Variants in CEPT1 observed in about 807,000 individuals in gnomAD.
CEPT1 encodes the protein choline/ethanolaminephosphotransferase 1.
Under a neutral mutation model 42.6 loss-of-function variants are expected in CEPT1, and 7 were observed. The ratio of observed to expected loss-of-function variants is 0.16; its 90% CI spans 0.09 to 0.31. CEPT1 has a LOEUF of 0.31. CEPT1 is among the 10% of genes least tolerant of loss of function. The pLI is 1.00. For missense variants in CEPT1, 306 were observed against 502.1 expected, an observed-to-expected ratio of 0.61 and a Z score of 3.73; for synonymous variants, 171 against 171.9, an observed-to-expected ratio of 0.99 and a Z score of 0.04.
intron 2 of CEPT1, among the ~76,000 whole-genome samples, chr1:111,150,832 A>G (rs893480292): frequency 2.6e-5 from 4 of 152,166 alleles, no homozygotes; most frequent in Admixed American, 6.5e-5. Context: ...CTCTTTTTAT[A>G]TGGAGAGCCA....
In CEPT1 at chr1:111,147,863, G is replaced by A. The variant is rs749655031; in HGVS notation, c.149G>A (p.Arg50Gln). 31 of 1,613,940 alleles carry A rather than the reference G, an allele frequency of 1.9e-5. No individual in the cohort carries two copies. In the African/African-American group the frequency reaches 2.1e-4, roughly 11 times the overall value. ...CCATTGTCAAGACACCAACTAAAGC[G>A]GCTAGAAGAACACAGATATCAAAGT... ...TPPLSRHQLK[R>Q]LEEHRYQSAG... The change falls in exon 2 of 9, where the codon CGG (arginine) becomes CAG (glutamine). Residue 50 changes from arginine to glutamine, a missense_variant. Arg to Gln is a conservative substitution (Grantham distance 43). This residue lies in a region of CEPT1 where 253 missense variants were observed against 447.3 expected (regional missense o/e 0.57). Transcript: ENST00000357172.
In CEPT1 at chr1:111,162,689, G is replaced by T. The variant is rs141340382; in HGVS notation, c.629+1393G>T. 4.7e-3 allele frequency among the ~76,000 whole-genome samples: 718 copies of T among 152,336 alleles called. 3 individuals are homozygous for T. The highest frequency in any genetic ancestry group is 7.5e-3 in the Non-Finnish European group (509 of 68,030). ...AGCCAGAAGGATGCATTTCACAAAA[G>T]AACATTGCTAAATCCTGCCAAGACT... On this transcript the variant is annotated intron_variant, in intron 4 of 8. Transcript: ENST00000357172.
intron 4 of CEPT1, among the ~76,000 whole-genome samples, chr1:111,169,357 G>A (rs915651932): frequency 6.6e-6 from 1 of 152,052 alleles, no homozygotes; most frequent in Non-Finnish European, 1.5e-5. Flanking sequence ...ACTTAGCAAA[G>A]GTCTTTTCCA....
chr1:111,157,335 C>T (rs955431559), intron 2 of CEPT1, among the ~76,000 whole-genome samples: 23 of 152,124 alleles, frequency 1.5e-4, no homozygotes, highest in Admixed American at 1.4e-3. Context: ...TCCCCTAAAG[C>T]AGAGGTATTC....
intron 4 of CEPT1, among the ~76,000 whole-genome samples, chr1:111,169,890 GT>G (rs1404798884): frequency 6.6e-6 from 1 of 152,082 alleles, no homozygotes; most frequent in Non-Finnish European, 1.5e-5. Context: ...TCTCTTCAAG[GT>G]TATTTTCTTT....
chr1:111,182,737 C>G, intron 6 of CEPT1, 62 bp from the exon 7 acceptor site: 1 of 1,431,264 alleles, frequency 7.0e-7, no homozygotes, highest in South Asian at 1.4e-5. Context: ...TGTTCTGCAG[C>G]AGATCCATGT....
rs1369792653 is a variant in CEPT1, at chr1:111,182,636, C to T, written c.847-163C>T. Reference sequence around the variant, plus strand: ...TGTGCCTAATGAATTTATGCTGCTACTTTTCATTAGCTCTTCTAGTTTGTG... The same window carrying T: ...TGTGCCTAATGAATTTATGCTGCTATTTTTCATTAGCTCTTCTAGTTTGTG... On this transcript the variant is annotated intron_variant, in intron 6 of 8. Transcript: ENST00000357172. 7 of 647,326 alleles carry T rather than the reference C, an allele frequency of 1.1e-5. No individual in the cohort carries two copies. The African/African-American group carries it at 1.1e-4, about 10-fold the overall frequency. The allele number at this position is 647,326 out of a possible 1,614,324, so 40.1% of individuals were successfully genotyped here. A position where few individuals can be genotyped will look rare whatever the true frequency, so the allele number is the denominator to read the frequency against.
intron 4 of CEPT1, among the ~76,000 whole-genome samples, chr1:111,165,438 T>C (rs1656102043): frequency 6.6e-6 from 1 of 152,190 alleles, no homozygotes; most frequent in African/African-American, 2.4e-5. Flanking sequence ...TTCAATTATT[T>C]TTTCCAAGAC....
chr1:111,152,912 G>C (rs1655360285), intron 2 of CEPT1, among the ~76,000 whole-genome samples: 1 of 152,072 alleles, frequency 6.6e-6, no homozygotes, highest in African/African-American at 2.4e-5. Flanking sequence ...CATATATACA[G>C]TGTATAATGA....
intron 4 of CEPT1, among the ~76,000 whole-genome samples, chr1:111,173,715 T>C (rs575403834): frequency 6.6e-6 from 1 of 152,322 alleles, no homozygotes; most frequent in Admixed American, 6.5e-5. Flanking sequence ...TCTTAGTTTG[T>C]AATGTGTCTT....
At chr1:111,168,163 T>C (rs1656232534) in intron 4 of CEPT1, among the ~76,000 whole-genome samples, 1 of 152,120 alleles carries the variant, frequency 6.6e-6, no homozygotes, top group Non-Finnish European at 1.5e-5. Context: ...CATGAGCCAC[T>C]GCATTCACCC....
chr1:111,156,237 T>G (rs889991489), intron 2 of CEPT1, among the ~76,000 whole-genome samples: 1 of 152,242 alleles, frequency 6.6e-6, no homozygotes, highest in Non-Finnish European at 1.5e-5. Context: ...GATTTCTAGT[T>G]TTGTTCCATT....
intron 2 of CEPT1, among the ~76,000 whole-genome samples, chr1:111,155,058 G>T (rs1286563836): frequency 6.6e-6 from 1 of 152,194 alleles, no homozygotes. Context: ...AGAAGAATTG[G>T]TGTAGTTCTT....
chr1:111,184,408 TAATC>T lies in CEPT1; in HGVS notation c.*102_*105del. On this transcript the variant is annotated 3_prime_UTR_variant, in exon 9 of 9. Transcript: ENST00000357172. ...GGATAAGAACAAATATAATTTATAA[TAATC>T]AATGTTGTATAACTTTTATTCTTTA... 1.1e-6 allele frequency: 1 copy of T among 897,046 alleles called. No homozygotes were observed. The highest frequency in any genetic ancestry group is 1.6e-6 in the Non-Finnish European group (1 of 608,544). 55.6% of individuals were successfully genotyped at this position (897,046 alleles called of 1,614,324 possible). A position where few individuals can be genotyped will look rare whatever the true frequency, so the allele number is the denominator to read the frequency against.
chr1:111,175,614 C>T (rs1296700416), intron 5 of CEPT1, among the ~76,000 whole-genome samples: 1 of 152,218 alleles, frequency 6.6e-6, no homozygotes, highest in African/African-American at 2.4e-5. Flanking sequence ...GTAACTCTCT[C>T]TGGCTTAGTT....
At chr1:111,175,178 A>G (rs756557981) in intron 5 of CEPT1, among the ~76,000 whole-genome samples, 4 of 152,174 alleles carry the variant, frequency 2.6e-5, no homozygotes, top group Admixed American at 6.5e-5. Context: ...TTTGAAGGCC[A>G]TTGAGAATCT....
At chr1:111,158,175 C>T (rs1571129503) in intron 2 of CEPT1, among the ~76,000 whole-genome samples, 1 of 152,058 alleles carries the variant, frequency 6.6e-6, no homozygotes, top group South Asian at 2.1e-4. Flanking sequence ...AACCTTGTCT[C>T]TACTAAAAAA....
intron 4 of CEPT1, chr1:111,167,502 A>G: frequency 1.1e-6 from 1 of 872,342 alleles, no homozygotes; most frequent in Non-Finnish European, 1.4e-6. Context: ...CCACCAGTAA[A>G]TAGAATTTTT....
intron 4 of CEPT1, among the ~76,000 whole-genome samples, chr1:111,169,035 C>T (rs1278177798): frequency 1.3e-5 from 2 of 152,284 alleles, no homozygotes; most frequent in African/African-American, 4.8e-5. Context: ...ACTTATACCT[C>T]ACACAATGTA....
Sources: gnomAD v4.1 joint callset for allele counts (sites outside exome capture counted in the v4.1 genomes callset) on GRCh38, gnomAD v4.1.1 for gene constraint, gnomAD v4.1.1 regional missense constraint, MANE v1.5 for transcripts, NCBI Gene and HGNC (gene_info 2026-07-23, HGNC 2026-07-21) for gene names.